The following ERCC3 variants were observed in gnomAD, a reference collection of about 807,000 sequenced individuals.
ERCC3 encodes general transcription and DNA repair factor IIH helicase/translocase subunit XPB.
A neutral mutation model predicts 94.2 loss-of-function variants in ERCC3; 66 were observed. That is an observed-to-expected ratio of 0.70 (90% CI 0.57 to 0.86). The LOEUF is 0.86. Among genes scored for constraint, ERCC3 ranks in the 40% least tolerant of loss-of-function variants. ERCC3 has a pLI of 0.00. For missense variants in ERCC3, 829 were observed against 987.1 expected (o/e 0.84, Z 2.15); for synonymous variants, 349 against 369.1 (o/e 0.95, Z 0.63).
intron 6 of ERCC3, 43 bp downstream of exon 6, chr2:127,289,294 A>T: frequency 6.3e-7 from 1 of 1,585,192 alleles, no homozygotes; most frequent in Non-Finnish European, 8.7e-7. Context: ...AGCTTCTAAC[A>T]GCAGCTCAGT....
Position 127,257,610 on chromosome 2 carries a change from G to T in ERCC3, c.2335C>A (p.Arg779Ser). Residue 779 changes from arginine (R) to serine (S), a missense_variant, in exon 15 of 15, where the codon CGC (arginine) becomes AGC (serine). Transcript: ENST00000285398. The surrounding 1 kb of genome is among the most constrained non-coding windows in gnomAD (Gnocchi z 5.4). ...PSKHVHPLFK[R>S]FRK is the part of the protein sequence containing the mutation. ...CTGCCTAAGCATCATTTCCTAAAGC[G>T]CTTGAAGAGCGGGTGTACATGTTTG... 1 of 1,614,032 alleles carries T rather than the reference G, an allele frequency of 6.2e-7. No homozygotes were observed.
intron 8 of ERCC3, among the ~76,000 whole-genome samples, chr2:127,285,405 C>T (rs886590978): frequency 6.6e-6 from 1 of 152,108 alleles, no homozygotes; most frequent in African/African-American, 2.4e-5. Context: ...ACTAAAAATA[C>T]AAAAATTTGG....
In ERCC3 at chr2:127,280,623, A is replaced by C; in HGVS notation, c.1351T>G (p.Phe451Val). 1 of 1,614,076 alleles carries C rather than the reference A, an allele frequency of 6.2e-7. No individual in the cohort carries two copies. Among genetic ancestry groups the C allele is most frequent in the Non-Finnish European group, 8.5e-7 (1 of 1,179,992 alleles). The change falls in exon 9 of 15, where the codon TTC becomes GTC. Residue 451 changes from phenylalanine (F) to valine (V), a missense_variant. Physicochemically the swap from Phe to Val is conservative, Grantham distance 50 (BLOSUM62 -1). Transcript: ENST00000285398. This position sits in a 1 kb window ranked among gnomAD's most constrained non-coding sequence, Gnocchi z 6.3. ...TGCACGATGGTGAGCACCCTTCGGA[A>C]CATCTTGGCTGAGGAAACAATGGGA... ...DEVHTIPAKM[F>V]RRVLTIVQAH... is the part of the protein sequence containing the mutation.
intron 10 of ERCC3, among the ~76,000 whole-genome samples, chr2:127,273,769 A>AT (rs1380117159): frequency 6.6e-6 from 1 of 150,754 alleles, no homozygotes; most frequent in East Asian, 2.0e-4. Flanking sequence ...AAAAAAAAAA[A>AT]AAAAAAATTT....
intron 7 of ERCC3, among the ~76,000 whole-genome samples, chr2:127,287,671 G>A (rs1685123867): frequency 6.6e-6 from 1 of 152,074 alleles, no homozygotes; most frequent in South Asian, 2.1e-4. Flanking sequence ...TAAAGCTGAG[G>A]AGTACTTTAC....
Position 127,258,451 on chromosome 2 carries a change from TGAG to T in ERCC3, c.2218-727_2218-725del, listed in dbSNP as rs987106102. ...CATCAGTGCTGACATTGCTATCCTG[TGAG>T]GAGAATGAACCAGGCACCTCCTTAA... On this transcript the variant is annotated intron_variant, in intron 14 of 14. Transcript: ENST00000285398. This position sits in a 1 kb window ranked among gnomAD's most constrained non-coding sequence, Gnocchi z 4.1. Among the ~76,000 whole-genome samples, 30 of 152,250 alleles carry T rather than the reference TGAG, an allele frequency of 2.0e-4. No individual in the cohort carries two copies. Among genetic ancestry groups the T allele is most frequent in the African/African-American group, 6.3e-4 (26 of 41,564 alleles).
chr2:127,273,220 T>C (rs902177140), intron 10 of ERCC3, among the ~76,000 whole-genome samples: 3 of 152,204 alleles, frequency 2.0e-5, no homozygotes, highest in African/African-American at 7.2e-5. Flanking sequence ...CTATGCTTTT[T>C]CCTGCTTCAA....
chr2:127,267,910 A>AT lies in ERCC3; in HGVS notation c.1945+3425dup, dbSNP rs945447423. Reference sequence around the variant, plus strand: ...TTCTTGGTTAGGATTTTTCTTTTTTATTTTTTTTCTTAAAGAGACTGGGTC... The same window carrying AT: ...TTCTTGGTTAGGATTTTTCTTTTTTATTTTTTTTTCTTAAAGAGACTGGGTC... On this transcript the variant is annotated intron_variant, in intron 12 of 14. Coordinates refer to ENST00000285398, the MANE Select transcript of ERCC3 (RefSeq NM_000122.2). Among the ~76,000 whole-genome samples, 108 of 150,732 alleles carry AT rather than the reference A, an allele frequency of 7.2e-4. 1 individual carries two copies. The highest frequency in any genetic ancestry group is 3.4e-3 in the Middle Eastern group (1 of 294).
chr2:127,285,648 C>T (rs1291035006), intron 8 of ERCC3, among the ~76,000 whole-genome samples: 2 of 152,068 alleles, frequency 1.3e-5, no homozygotes, highest in Admixed American at 6.5e-5. Context: ...TGAGATTGCA[C>T]CACTGCACTC....
At chr2:127,265,161 T>A (rs888906651) in intron 12 of ERCC3, among the ~76,000 whole-genome samples, 3 of 152,130 alleles carry the variant, frequency 2.0e-5, no homozygotes, top group Non-Finnish European at 2.9e-5. Flanking sequence ...ATTTTTTTTT[T>A]AAATTACTGA....
At position 127,257,564 on chromosome 2, in the gene ERCC3, G is replaced by A. The variant is rs751739122; in HGVS notation, c.*32C>T. 17 of 1,612,394 alleles carry A rather than the reference G, an allele frequency of 1.1e-5. No homozygotes were observed. The highest frequency in any genetic ancestry group is 2.2e-5 in the East Asian group (1 of 44,878). ...TCCCTTTCCAACAAGGGTGCCAAGCGCCGGTCTTGAACGAAGTACCCTGCC... is the reference window on the plus strand; with the variant it reads ...TCCCTTTCCAACAAGGGTGCCAAGCACCGGTCTTGAACGAAGTACCCTGCC... On this transcript the variant is annotated 3_prime_UTR_variant, in exon 15 of 15. Transcript: ENST00000285398. The surrounding 1 kb of genome is among the most constrained non-coding windows in gnomAD (Gnocchi z 5.4).
intron 11 of ERCC3, 46 bp downstream of exon 11, chr2:127,272,819 C>A: frequency 1.7e-6 from 2 of 1,184,150 alleles, no homozygotes; most frequent in South Asian, 1.2e-5. Flanking sequence ...CCCCCAGGTC[C>A]CCAGAGTGCT....
At position 127,259,557 on chromosome 2, in the gene ERCC3, C is replaced by A; in HGVS notation, c.2065-109G>T. 2 of 1,458,170 alleles carry A rather than the reference C, an allele frequency of 1.4e-6. No homozygotes were observed. Among genetic ancestry groups the A allele is most frequent in the South Asian group, 2.3e-5 (2 of 87,606 alleles). 90.3% of individuals were successfully genotyped at this position (1,458,170 alleles called of 1,614,324 possible). ...TGGTCACTTCCCTCCCCAGGCCCAG[C>A]CACCCTGGTGGCCAACAATGGAGAG... is the stretch of plus-strand genomic sequence containing the variant. On this transcript the variant is annotated intron_variant, in intron 13 of 14. Coordinates refer to ENST00000285398, the MANE Select transcript of ERCC3 (RefSeq NM_000122.2). This position sits in a 1 kb window ranked among gnomAD's most constrained non-coding sequence, Gnocchi z 4.9.
intron 8 of ERCC3, among the ~76,000 whole-genome samples, chr2:127,285,300 C>T (rs1319823551): frequency 6.6e-6 from 1 of 152,132 alleles, no homozygotes; most frequent in Non-Finnish European, 1.5e-5. Context: ...TGGCTCACGT[C>T]TATAATCCCA....
Position 127,286,915 on chromosome 2 carries a change from T to A in ERCC3, c.1130A>T (p.Gln377Leu), listed in dbSNP as rs1685090557. The A allele has an allele frequency of 1.2e-6, 2 of 1,614,238 alleles. No homozygotes were observed. The highest frequency in any genetic ancestry group is 1.7e-6 in the Non-Finnish European group (2 of 1,180,036). The change falls in exon 8 of 15, where the codon CAG becomes CTG. Residue 377 changes from glutamine (Q) to leucine (L), a missense_variant. Physicochemically the swap from Gln to Leu is moderately radical, Grantham distance 113. Coordinates refer to ENST00000285398, the MANE Select transcript of ERCC3 (RefSeq NM_000122.2). ...GTCAATGGTGGACCACATCTTGAAC[T>A]GGGCTTTCCACTGCTCCACAGAAAC... ...SAVSVEQWKA[Q>L]FKMWSTIDDS...
chr2:127,287,388 T>C (rs755281332), intron 7 of ERCC3, among the ~76,000 whole-genome samples: 1 of 152,038 alleles, frequency 6.6e-6, no homozygotes. Flanking sequence ...ATCCCAGCAC[T>C]TTGGGAGGCC....
chr2:127,260,040 G>C (rs1266120901), intron 13 of ERCC3: 1 of 164,480 alleles, frequency 6.1e-6, no homozygotes, highest in East Asian at 1.7e-4. Context: ...AACTTGGGTT[G>C]ATTCTGTAAA....
Position 127,258,718 on chromosome 2 carries a change from T to C in ERCC3, c.2217+578A>G, listed in dbSNP as rs957840024. 1.6e-4 allele frequency among the ~76,000 whole-genome samples: 24 copies of C among 152,222 alleles called. No homozygotes were observed. Among genetic ancestry groups the C allele is most frequent in the African/African-American group, 5.8e-4 (24 of 41,470 alleles). On this transcript the variant is annotated intron_variant, in intron 14 of 14. Transcript: ENST00000285398. The surrounding 1 kb of genome is among the most constrained non-coding windows in gnomAD (Gnocchi z 4.1). ...GCCTGCTAATTCTCCATAATGATGCTCTCACTAATTAGACCATATATTTAC... is the reference window on the plus strand; with the variant it reads ...GCCTGCTAATTCTCCATAATGATGCCCTCACTAATTAGACCATATATTTAC...
chr2:127,272,109 T>C lies in ERCC3; in HGVS notation c.1828-656A>G, dbSNP rs192798591. On this transcript the variant is annotated intron_variant, in intron 11 of 14. Coordinates refer to ENST00000285398, the MANE Select transcript of ERCC3 (RefSeq NM_000122.2). ...TCTCAGCTCCACTGCAACCTCCACC[T>C]CCCGGGTTCAAGTGACTGAACCCTG... Among the ~76,000 whole-genome samples, 348 of 125,608 alleles carry C rather than the reference T, an allele frequency of 2.8e-3. 1 individual carries two copies. Among genetic ancestry groups the C allele is most frequent in the African/African-American group, 9.5e-3 (315 of 33,284 alleles). 82.4% of individuals were successfully genotyped at this position (125,608 alleles called of 152,430 possible). A position where few individuals can be genotyped will look rare whatever the true frequency, so the allele number is the denominator to read the frequency against.
Sources: allele counts gnomAD v4.1 joint callset (sites outside exome capture counted in the v4.1 genomes callset), GRCh38; gene constraint gnomAD v4.1.1; non-coding constraint Gnocchi (gnomAD v3.1); transcripts MANE v1.5; gene names NCBI Gene and HGNC (gene_info 2026-07-23, HGNC 2026-07-21).